Variants in PSG6 observed in about 807,000 individuals in gnomAD.
PSG6 encodes the protein pregnancy-specific beta-1-glycoprotein 6.
In PSG6, 51 loss-of-function variants were observed where a neutral mutation model predicts 43.3. That is an observed-to-expected ratio of 1.18 (90% CI 0.94 to 1.49). PSG6 has a LOEUF of 1.49. PSG6 is among the 40% of genes most tolerant of loss of function. The pLI is 0.00. For synonymous variants in PSG6, 292 were observed against 197.6 expected, an observed-to-expected ratio of 1.48 and a Z score of -4.01; for missense variants, 770 against 522.2, an observed-to-expected ratio of 1.47 and a Z score of -4.62.
chr19:42,911,760 A>G (rs544486372), intron 2 of PSG6, among the ~76,000 whole-genome samples: 14 of 151,848 alleles, frequency 9.2e-5, no homozygotes, highest in African/African-American at 2.9e-4. Context: ...TATTAGACCA[A>G]TATTTGGGAA....
Position 42,909,468 on chromosome 19 carries a change from G to A in PSG6, c.706+1112C>T, listed in dbSNP as rs187480157. ...CTGCAAAAAATGTTACTGGGATTCT[G>A]GTAGGGGTTGCATTGAATCTGCAAC... On this transcript the variant is annotated intron_variant, in intron 3 of 5. Transcript: ENST00000187910. Among the ~76,000 whole-genome samples, 387 of 151,638 alleles carry A rather than the reference G, an allele frequency of 2.6e-3. 16 individuals are homozygous for A. Among genetic ancestry groups the A allele is most frequent in the Non-Finnish European group, 3.7e-3 (252 of 67,898 alleles).
chr19:42,916,222 A>G lies in PSG6; in HGVS notation c.330T>C (p.Asn110=), dbSNP rs1261210084. The G allele has an allele frequency of 6.2e-7, 1 of 1,612,236 alleles. No individual in the cohort carries two copies. The highest frequency in any genetic ancestry group is 2.2e-5 in the East Asian group (1 of 44,776). The change falls in exon 2 of 6, where the codon AAT becomes AAC. Residue 110 remains asparagine, a synonymous_variant. Transcript: ENST00000187910. ...AGGATCCTGCATCCTCCTGTGTGAC[A>G]TTCTGGATCAGCAGGGATGCATTGG... ...VYSNASLLIQ[N]VTQEDAGSYT...
intron 3 of PSG6, among the ~76,000 whole-genome samples, chr19:42,908,724 C>T (rs1049657311): frequency 3.7e-4 from 56 of 151,778 alleles, no homozygotes; most frequent in African/African-American, 1.3e-3. Context: ...ATCTAGTCCT[C>T]ATGGACCATG....
intron 2 of PSG6, among the ~76,000 whole-genome samples, chr19:42,912,022 C>G (rs1972236441): frequency 6.6e-6 from 1 of 151,620 alleles, no homozygotes. Flanking sequence ...GCTCCTTATG[C>G]AGAAAGCTTA....
rs1212966781 is a variant in PSG6 at position 42,907,701 on chromosome 19, C to G, written c.860G>C (p.Arg287Pro). The G allele has an allele frequency of 3.1e-6, 5 of 1,610,802 alleles. No individual in the cohort carries two copies. The highest frequency in any genetic ancestry group is 2.2e-5 in the East Asian group (1 of 44,802). ...AATGAGTATCCTGTTTTCAATGGGT[C>G]GCTTTACCCTCGGACTGACCGGGAG... ...QSLPVSPRVK[R>P]PIENRILILP... Residue 287 changes from arginine (R) to proline (P), a missense_variant, in exon 4 of 6, where the codon CGA (arginine) becomes CCA (proline). Arg to Pro is a moderately radical substitution (Grantham distance 103). Transcript: ENST00000187910.
At position 42,906,975 on chromosome 19, in the gene PSG6, C is replaced by A. The variant is rs148607777; in HGVS notation, c.1187G>T (p.Arg396Leu). ...NHSGLYACSV[R>L]NSATGKEISK... ...GATTTCCTTGCCAGTGGCTGAGTTACGAACAGAGCAAGCATAGAGCCCGCT... is the reference window on the plus strand; with the variant it reads ...GATTTCCTTGCCAGTGGCTGAGTTAAGAACAGAGCAAGCATAGAGCCCGCT... Residue 396 changes from arginine (R) to leucine (L), a missense_variant, in exon 5 of 6, where the codon CGT becomes CTT. Transcript: ENST00000187910. 5 of 1,612,242 alleles carry A rather than the reference C, an allele frequency of 3.1e-6. No individual in the cohort carries two copies. The highest frequency in any genetic ancestry group is 4.2e-6 in the Non-Finnish European group (5 of 1,179,092).
rs768536199 is a variant in PSG6 at position 42,907,954 on chromosome 19, G to T, written c.707-100C>A. The T allele has an allele frequency of 4.7e-6, 7 of 1,501,436 alleles. No homozygotes were observed. In the Admixed American group the frequency reaches 1.1e-4, roughly 23 times the overall value. 93.0% of individuals were successfully genotyped at this position (1,501,436 alleles called of 1,614,324 possible). On this transcript the variant is annotated intron_variant, in intron 3 of 5. Coordinates refer to ENST00000187910, the MANE Select transcript of PSG6 (RefSeq NM_001031850.4). ...ATCTCCCACCTGTCAACCCACATGA[G>T]TCCTTGAAAGCCAGTAGCTGGTGCA...
Position 42,917,248 on chromosome 19 carries a change from C to A in PSG6, c.64+481G>T, listed in dbSNP as rs2122650923. On this transcript the variant is annotated intron_variant, in intron 1 of 5. Transcript: ENST00000187910. ...CACTTAAGATTTTACTACCTCTTAC[C>A]AATTCCGGTTCAATGTGACTTTCCT... Among the ~76,000 whole-genome samples, 2 of 151,470 alleles carry A rather than the reference C, an allele frequency of 1.3e-5. 1 individual carries two copies. The highest frequency in any genetic ancestry group is 6.8e-3 in the Middle Eastern group (2 of 294).
rs540646421 is a variant in PSG6 at position 42,906,034 on chromosome 19, T to C, written c.1240+888A>G. 7.8e-4 allele frequency among the ~76,000 whole-genome samples: 118 copies of C among 151,690 alleles called. 6 individuals are homozygous for C. The highest frequency in any genetic ancestry group is 2.8e-3 in the African/African-American group (117 of 41,384). On this transcript the variant is annotated intron_variant, in intron 5 of 5. Transcript: ENST00000187910. ...AACACTAAATTGCACACTTAGTTAATGGTAAGTCTAATATTAGATATATAT... is the reference window on the plus strand; with the variant it reads ...AACACTAAATTGCACACTTAGTTAACGGTAAGTCTAATATTAGATATATAT...
At chr19:42,913,933 G>A (rs1972274694) in intron 2 of PSG6, among the ~76,000 whole-genome samples, 1 of 151,638 alleles carries the variant, frequency 6.6e-6, no homozygotes, top group African/African-American at 2.4e-5. Context: ...GATCCACTGG[G>A]GAGGCTGATT....
intron 2 of PSG6, among the ~76,000 whole-genome samples, chr19:42,913,599 G>C (rs748146600): frequency 6.6e-6 from 1 of 151,770 alleles, no homozygotes; most frequent in Non-Finnish European, 1.5e-5. Context: ...TCCATAGCAG[G>C]TTGAGGATGG....
intron 5 of PSG6, 143 bp downstream of exon 5, chr19:42,906,779 G>T: frequency 6.3e-7 from 1 of 1,591,348 alleles, no homozygotes; most frequent in South Asian, 1.1e-5. Context: ...GAGATAAGTT[G>T]GGAGGGTTCA....
rs964581204 is a variant in PSG6, at chr19:42,903,866, C to G, written c.1241-1420G>C. 2.8e-5 allele frequency: 31 copies of G among 1,119,642 alleles called. No individual in the cohort carries two copies. The African/African-American group carries it at 4.4e-4, about 16-fold the overall frequency. 69.4% of individuals were successfully genotyped at this position (1,119,642 alleles called of 1,614,324 possible). A position where few individuals can be genotyped will look rare whatever the true frequency, so the allele number is the denominator to read the frequency against. On this transcript the variant is annotated intron_variant, in intron 5 of 5. Coordinates refer to ENST00000187910, the MANE Select transcript of PSG6 (RefSeq NM_001031850.4). ...CATAATCACACCACTGTATTCCATC[C>G]TAGGGTGGCCTACAGAGTGAGAGCC...
intron 3 of PSG6, among the ~76,000 whole-genome samples, chr19:42,908,829 A>C (rs1349701103): frequency 1.3e-5 from 2 of 151,690 alleles, no homozygotes; most frequent in Non-Finnish European, 2.9e-5. Context: ...GGTTCCACTA[A>C]TCTAGGGACC....
chr19:42,904,679 T>C lies in PSG6; in HGVS notation c.1241-2233A>G, dbSNP rs375458532. The stretch of plus-strand genomic sequence containing the variant: ...TTGAAAGACATTTTGTGTTCATGAA[T>C]TGGAAGACTCAATATTGTTAGGAGG... On this transcript the variant is annotated intron_variant, in intron 5 of 5. Coordinates refer to ENST00000187910, the MANE Select transcript of PSG6 (RefSeq NM_001031850.4). Among the ~76,000 whole-genome samples, 6 of 151,790 alleles carry C rather than the reference T, an allele frequency of 4.0e-5. No homozygotes were observed. The East Asian group carries it at 1.2e-3, about 29-fold the overall frequency.
intron 5 of PSG6, chr19:42,903,722 C>G (rs747299580): frequency 2.0e-6 from 3 of 1,468,180 alleles, no homozygotes; most frequent in Non-Finnish European, 2.7e-6. Flanking sequence ...GATGCTGTCT[C>G]TACAAAAAAA....
chr19:42,913,289 T>C (rs1972262365), intron 2 of PSG6, among the ~76,000 whole-genome samples: 1 of 151,588 alleles, frequency 6.6e-6, no homozygotes, highest in Non-Finnish European at 1.5e-5. Flanking sequence ...TAGCTGGGAC[T>C]ACAGGTGACC....
chr19:42,917,838 A>C lies in PSG6; in HGVS notation c.-46T>G. On this transcript the variant is annotated 5_prime_UTR_variant, in exon 1 of 6. Coordinates refer to ENST00000187910, the MANE Select transcript of PSG6 (RefSeq NM_001031850.4). ...TCTCCCCTGTGGAGATGAGCCTAGG[A>C]TCCAGAGACTTCCTGAGCAGGGCTG... 1 of 1,591,492 alleles carries C rather than the reference A, an allele frequency of 6.3e-7. No individual in the cohort carries two copies. The highest frequency in any genetic ancestry group is 2.3e-5 in the East Asian group (1 of 44,160).
At chr19:42,911,049 A>T (rs1390450144) in intron 2 of PSG6, among the ~76,000 whole-genome samples, 191 bp from the exon 3 acceptor site, 1 of 151,488 alleles carries the variant, frequency 6.6e-6, no homozygotes, top group Non-Finnish European at 1.5e-5. Context: ...TGCCTGCTTT[A>T]TGTAGGAGAA....
Sources: gnomAD v4.1 joint callset for allele counts (sites outside exome capture counted in the v4.1 genomes callset) on GRCh38, gnomAD v4.1.1 for gene constraint, MANE v1.5 for transcripts, NCBI Gene and HGNC (gene_info 2026-07-23, HGNC 2026-07-21) for gene names.